DOK6: variants seen among roughly 807,000 people sequenced by gnomAD.
The protein encoded by DOK6 is downstream of tyrosine kinase 6.
Under a neutral mutation model 44.0 loss-of-function variants are expected in DOK6, and 22 were observed. The ratio of observed to expected loss-of-function variants is 0.50; its 90% confidence interval spans 0.36 to 0.71. The LOEUF is 0.71. DOK6 is among the 30% of genes least tolerant of loss of function. DOK6 has a pLI of 0.00. For missense variants in DOK6, 340 were observed against 416.4 expected, an observed-to-expected ratio of 0.82 and a Z score of 1.60; for synonymous variants, 166 against 145.5, an observed-to-expected ratio of 1.14 and a Z score of -1.01.
intron 1 of DOK6, among the ~76,000 whole-genome samples, chr18:69,511,808 A>C (rs140928611): frequency 0.019 from 2,850 of 152,308 alleles, 82 homozygotes; most frequent in African/African-American, 0.065. Context: ...TAGTTCTTTC[A>C]CTAAATCTCT....
chr18:69,695,466 T>A (rs181379376), intron 4 of DOK6, among the ~76,000 whole-genome samples: 40 of 152,354 alleles, frequency 2.6e-4, no homozygotes, highest in African/African-American at 8.9e-4. Flanking sequence ...AAACATTTTT[T>A]AAAAATCATT....
At chr18:69,537,973 A>T (rs1001911632) in intron 1 of DOK6, among the ~76,000 whole-genome samples, 1 of 152,180 alleles carries the variant, frequency 6.6e-6, no homozygotes, top group Non-Finnish European at 1.5e-5. Context: ...AAGGATTTTT[A>T]AAAAGGACTT....
intron 1 of DOK6, among the ~76,000 whole-genome samples, chr18:69,414,600 A>G (rs530901745): frequency 6.6e-6 from 1 of 152,168 alleles, no homozygotes; most frequent in Non-Finnish European, 1.5e-5. Context: ...TGTGTGAGGT[A>G]GAAGTGGTTA....
chr18:69,759,216 T>C (rs1810330595), intron 7 of DOK6, among the ~76,000 whole-genome samples: 1 of 152,164 alleles, frequency 6.6e-6, no homozygotes, highest in Non-Finnish European at 1.5e-5. Flanking sequence ...AAGACGAGTA[T>C]CTTATGCTTT....
At chr18:69,686,330 T>C (rs749531863) in intron 4 of DOK6, among the ~76,000 whole-genome samples, 12 of 152,194 alleles carry the variant, frequency 7.9e-5, no homozygotes, top group Non-Finnish European at 1.0e-4. Context: ...TTATTAATAT[T>C]TGCTCTCATT....
At chr18:69,570,056 T>C (rs757659349) in intron 2 of DOK6, among the ~76,000 whole-genome samples, 17 of 151,240 alleles carry the variant, frequency 1.1e-4, no homozygotes, top group Non-Finnish European at 2.2e-4. Context: ...GGAGGGTGGA[T>C]GGAAGGAGGT....
chr18:69,710,271 A>G (rs1403886858), intron 5 of DOK6, among the ~76,000 whole-genome samples: 1 of 151,388 alleles, frequency 6.6e-6, no homozygotes, highest in Non-Finnish European at 1.5e-5. Flanking sequence ...CTTAAAGGGG[A>G]AAAAACTGAC....
chr18:69,471,251 A>AG (rs1980097044), intron 1 of DOK6, among the ~76,000 whole-genome samples: 2 of 65,856 alleles, frequency 3.0e-5, no homozygotes, highest in Non-Finnish European at 5.5e-5. Flanking sequence ...ACTCCATCTC[A>AG]AAAAAAAAAA....
intron 3 of DOK6, among the ~76,000 whole-genome samples, chr18:69,635,246 C>T (rs1012915869): frequency 7.2e-5 from 11 of 152,052 alleles, no homozygotes; most frequent in Admixed American, 3.9e-4. Context: ...TTCTCTAATG[C>T]GAGGTGGAAA....
rs192382160 is a variant in DOK6, at chr18:69,803,232, C to T, written c.857-38012C>T. On this transcript the variant is annotated intron_variant, in intron 7 of 7. Transcript: ENST00000382713. ...ATGTTGTTGAATTAAAATTTCTAAACGTAAATCTGGTAATTATAATAACAA... is the reference window on the plus strand; with the variant it reads ...ATGTTGTTGAATTAAAATTTCTAAATGTAAATCTGGTAATTATAATAACAA... Among the ~76,000 whole-genome samples the T allele has an allele frequency of 2.4e-3, 367 of 152,074 alleles. 2 individuals are homozygous for T. Among genetic ancestry groups the T allele is most frequent in the Admixed American group, 3.6e-3 (55 of 15,272 alleles).
chr18:69,507,983 G>T (rs1400703268), intron 1 of DOK6, among the ~76,000 whole-genome samples: 1 of 152,078 alleles, frequency 6.6e-6, no homozygotes, highest in East Asian at 1.9e-4. Context: ...TCACCTTTAT[G>T]TATGATGTTA....
chr18:69,662,452 T>C (rs1209568622), intron 3 of DOK6: 1 of 152,260 alleles, frequency 6.6e-6, no homozygotes, highest in Non-Finnish European at 1.5e-5. Flanking sequence ...AAGAAAGCAC[T>C]TTGAAAATGT....
chr18:69,820,554 G>A (rs940286765), intron 7 of DOK6, among the ~76,000 whole-genome samples: 19 of 151,970 alleles, frequency 1.3e-4, no homozygotes, highest in African/African-American at 3.6e-4. Context: ...CTTCCCATCC[G>A]GAAACTTAAC....
intron 1 of DOK6, among the ~76,000 whole-genome samples, chr18:69,432,890 C>T (rs2122426589): frequency 6.6e-6 from 1 of 151,886 alleles, no homozygotes; most frequent in East Asian, 1.9e-4. Flanking sequence ...AGGAGTTGCC[C>T]CCTAGGATTT....
chr18:69,532,398 G>A (rs948203628), intron 1 of DOK6, among the ~76,000 whole-genome samples: 22 of 152,126 alleles, frequency 1.4e-4, no homozygotes, highest in African/African-American at 5.1e-4. Flanking sequence ...AAAAGAAGGG[G>A]TATTTTCTTA....
At chr18:69,774,131 G>GATATATATATATATAT (rs1212221255) in intron 7 of DOK6, among the ~76,000 whole-genome samples, 4 of 13,858 alleles carry the variant, frequency 2.9e-4, no homozygotes, top group Non-Finnish European at 7.9e-4. Flanking sequence ...ATATATATAT[G>GATATATATATATATAT]AGATATATAT....
chr18:69,848,862 G>A lies in DOK6; in HGVS notation c.*7479G>A, dbSNP rs1982411318. 6.6e-6 allele frequency: 1 copy of A among 152,140 alleles called. No individual in the cohort carries two copies. Among genetic ancestry groups the A allele is most frequent in the Admixed American group, 6.5e-5 (1 of 15,282 alleles). The allele number at this position is 152,140 out of a possible 1,614,324, so 9.4% of individuals were successfully genotyped here. Reference sequence around the variant, plus strand: ...CACAACTTTGCATGGCTGAGATTTTGAACAACTAAATTGATGGTTTTACCC... The same window carrying A: ...CACAACTTTGCATGGCTGAGATTTTAAACAACTAAATTGATGGTTTTACCC... On this transcript the variant is annotated 3_prime_UTR_variant, in exon 8 of 8. Transcript: ENST00000382713.
At chr18:69,665,042 A>T (rs972690309) in intron 3 of DOK6, among the ~76,000 whole-genome samples, 1 of 152,068 alleles carries the variant, frequency 6.6e-6, no homozygotes, top group Non-Finnish European at 1.5e-5. Context: ...TTAGCCAGGC[A>T]TGGTGGCACA....
intron 3 of DOK6, among the ~76,000 whole-genome samples, chr18:69,615,866 T>C (rs1209712920): frequency 6.6e-6 from 1 of 152,188 alleles, no homozygotes; most frequent in Non-Finnish European, 1.5e-5. Context: ...AAGTAGTTTC[T>C]CTTTGACACC....
Sources: allele counts gnomAD v4.1 joint callset (sites outside exome capture counted in the v4.1 genomes callset), GRCh38; gene constraint gnomAD v4.1.1; transcripts MANE v1.5; gene names NCBI Gene and HGNC (gene_info 2026-07-23, HGNC 2026-07-21).